The following GLRB variants were observed in gnomAD, a reference collection of about 807,000 sequenced individuals.
GLRB encodes the protein glycine receptor beta.
GLRB carries 33 observed loss-of-function variants against 54.2 expected under a neutral mutation model. The observed-to-expected ratio is 0.61, with a 90% CI of 0.46 to 0.81. The LOEUF (loss-of-function observed/expected upper bound fraction) is 0.81. Ranked by LOEUF, GLRB falls within the 40% of genes least tolerant of loss-of-function variation. GLRB has a pLI of 0.00. For missense variants in GLRB, 572 were observed against 584.6 expected, an observed-to-expected ratio of 0.98 and a Z score of 0.22; for synonymous variants, 209 against 208.2, an observed-to-expected ratio of 1.00 and a Z score of -0.03.
chr4:157,170,232 T>G (rs1477331224), intron 9 of GLRB, among the ~76,000 whole-genome samples, 200 bp from the exon 10 acceptor site: 2 of 152,044 alleles, frequency 1.3e-5, no homozygotes, highest in African/African-American at 4.8e-5. Flanking sequence ...ACATAAGCCT[T>G]ATTATGTAGG....
intron 8 of GLRB, among the ~76,000 whole-genome samples, chr4:157,144,817 T>C (rs1187640999): frequency 6.6e-6 from 1 of 152,172 alleles, no homozygotes; most frequent in African/African-American, 2.4e-5. Context: ...ACTGGAGGAA[T>C]TAAATGAAAT....
intron 2 of GLRB, among the ~76,000 whole-genome samples, chr4:157,082,964 TTATATA>T (rs58330518): frequency 9.7e-4 from 135 of 139,656 alleles, no homozygotes; most frequent in Admixed American, 2.0e-3. Context: ...GAATAGTGTT[TTATATA>T]TATATATATA....
intron 2 of GLRB, among the ~76,000 whole-genome samples, chr4:157,113,207 T>C (rs921257052): frequency 1.9e-4 from 29 of 152,044 alleles, no homozygotes; most frequent in African/African-American, 7.0e-4. Flanking sequence ...TTGCTGTATA[T>C]GGAAAATTGA....
intron 2 of GLRB, among the ~76,000 whole-genome samples, chr4:157,113,324 A>G (rs1410880812): frequency 6.6e-6 from 1 of 151,928 alleles, no homozygotes; most frequent in Non-Finnish European, 1.5e-5. Flanking sequence ...ATGGAAAGTA[A>G]TGGCACAGTA....
At chr4:157,104,067 T>A (rs1270628714) in intron 2 of GLRB, among the ~76,000 whole-genome samples, 1 of 152,090 alleles carries the variant, frequency 6.6e-6, no homozygotes, top group East Asian at 1.9e-4. Flanking sequence ...CTTATCTAAT[T>A]ACTCTGGGTG....
chr4:157,157,336 C>T (rs72980552), intron 9 of GLRB, among the ~76,000 whole-genome samples: 3,064 of 151,664 alleles, frequency 0.02, 65 homozygotes, highest in African/African-American at 0.046. Context: ...CGGGCTGCCT[C>T]GTCACAGACT....
intron 4 of GLRB, among the ~76,000 whole-genome samples, chr4:157,128,904 TGCTATAAGA>T (rs1736114096): frequency 6.6e-6 from 1 of 151,858 alleles, no homozygotes; most frequent in Non-Finnish European, 1.5e-5. Flanking sequence ...TGCTGCCAGA[TGCTATAAGA>T]GCTGATCTCT....
intron 4 of GLRB, among the ~76,000 whole-genome samples, chr4:157,125,750 A>G (rs1290707102): frequency 1.3e-5 from 2 of 151,700 alleles, no homozygotes; most frequent in African/African-American, 4.8e-5. Context: ...CCTGGCCGAC[A>G]CTGTGAACCC....
intron 2 of GLRB, among the ~76,000 whole-genome samples, chr4:157,091,063 A>C: frequency 6.6e-6 from 1 of 152,254 alleles, no homozygotes; most frequent in Middle Eastern, 3.4e-3. Context: ...TGGAACTATT[A>C]ATAGATAGTT....
intron 8 of GLRB, among the ~76,000 whole-genome samples, chr4:157,147,649 GAA>G (rs1261920510): frequency 6.6e-6 from 1 of 152,178 alleles, no homozygotes; most frequent in Non-Finnish European, 1.5e-5. Context: ...AGTAGTGAAG[GAA>G]AAACTGAGAG....
At chr4:157,162,788 C>A (rs1251190954) in intron 9 of GLRB, among the ~76,000 whole-genome samples, 1 of 152,208 alleles carries the variant, frequency 6.6e-6, no homozygotes, top group East Asian at 1.9e-4. Flanking sequence ...GAGTCAGGGA[C>A]CCACTTGAGA....
intron 8 of GLRB, among the ~76,000 whole-genome samples, chr4:157,147,468 G>C (rs190253589): frequency 6.6e-6 from 1 of 152,090 alleles, no homozygotes; most frequent in Non-Finnish European, 1.5e-5. Flanking sequence ...AGAAGATGAG[G>C]GGGGGATTGG....
intron 2 of GLRB, among the ~76,000 whole-genome samples, chr4:157,103,791 A>T (rs547695796): frequency 6.6e-6 from 1 of 151,998 alleles, no homozygotes; most frequent in African/African-American, 2.4e-5. Context: ...ATATTTTATT[A>T]TTTTTGATGG....
At chr4:157,119,278 G>T (rs1735716369) in intron 2 of GLRB, among the ~76,000 whole-genome samples, 2 of 151,566 alleles carry the variant, frequency 1.3e-5, no homozygotes, top group Non-Finnish European at 3.0e-5. Flanking sequence ...CTCCCAAGCT[G>T]CCATATTTTA....
intron 9 of GLRB, among the ~76,000 whole-genome samples, chr4:157,168,022 A>C (rs1579259593): frequency 6.6e-6 from 1 of 151,518 alleles, no homozygotes; most frequent in South Asian, 2.1e-4. Context: ...TGACCCAAAC[A>C]CCTCCCACTA....
rs931228281 is a variant in GLRB at position 157,133,212 on chromosome 4, T to C, written c.298-3257T>C. Reference sequence around the variant, plus strand: ...TACATATAATAAAAGTAATAAACTTTTGTGAGTACTCACTTGGGGCCAGGT... The same window carrying C: ...TACATATAATAAAAGTAATAAACTTCTGTGAGTACTCACTTGGGGCCAGGT... On this transcript the variant is annotated intron_variant, in intron 4 of 9. Transcript: ENST00000264428. 5.3e-5 allele frequency among the ~76,000 whole-genome samples: 8 copies of C among 152,048 alleles called. No individual in the cohort carries two copies. The East Asian group carries it at 1.2e-3, about 22-fold the overall frequency.
intron 9 of GLRB, among the ~76,000 whole-genome samples, chr4:157,162,485 T>C (rs768537600): frequency 6.9e-4 from 105 of 152,302 alleles, no homozygotes; most frequent in Middle Eastern, 3.4e-3. Context: ...CTACCTTTGT[T>C]CTTTGATGAT....
At chr4:157,138,344 G>A (rs1054771862) in intron 6 of GLRB, among the ~76,000 whole-genome samples, 3 of 152,136 alleles carry the variant, frequency 2.0e-5, no homozygotes, top group Non-Finnish European at 4.4e-5. Context: ...AAAGTGCTGG[G>A]ATTACAGGTG....
intron 6 of GLRB, among the ~76,000 whole-genome samples, chr4:157,138,577 C>T (rs192921964): frequency 2.6e-4 from 40 of 152,014 alleles, no homozygotes; most frequent in African/African-American, 8.7e-4. Context: ...AAATCTGTGC[C>T]GTATGCTTAT....
Sources: allele counts gnomAD v4.1 joint callset (sites outside exome capture counted in the v4.1 genomes callset), GRCh38; gene constraint gnomAD v4.1.1; transcripts MANE v1.5; gene names NCBI Gene and HGNC (gene_info 2026-07-23, HGNC 2026-07-21).